The following HHIPL1 variants were observed in gnomAD, a reference collection of about 807,000 sequenced individuals.
HHIPL1 encodes the protein HHIP like 1.
Under a neutral mutation model 61.8 loss-of-function variants are expected in HHIPL1, and 43 were observed. The observed-to-expected ratio is 0.70, with a 90% CI of 0.55 to 0.90. The LOEUF (loss-of-function observed/expected upper bound fraction) is 0.90, where lower values mean the gene tolerates loss of function less well. HHIPL1 is among the 40% of genes least tolerant of loss of function. HHIPL1 has a pLI of 0.00. For synonymous variants in HHIPL1, 482 were observed against 515.8 expected, an observed-to-expected ratio of 0.93 and a Z score of 0.89; for missense variants, 1,056 against 1,157.7, an observed-to-expected ratio of 0.91 and a Z score of 1.28.
chr14:99,622,185 G>C, the HHIPL1 span, among the ~76,000 whole-genome samples: 1 of 152,176 alleles, frequency 6.6e-6, no homozygotes, highest in Non-Finnish European at 1.5e-5. Flanking sequence ...TGAGGTTTCT[G>C]GAAATGTGAT....
chr14:99,668,877 C>A lies in HHIPL1; in HGVS notation c.1730+574C>A. On this transcript the variant is annotated intron_variant, in intron 7 of 8. Coordinates refer to ENST00000330710, the MANE Select transcript of HHIPL1 (RefSeq NM_001127258.3). This position sits in a 1 kb window ranked among gnomAD's most constrained non-coding sequence, Gnocchi z 4.7. ...TGCCCGGCTATGTCCCAGCTCCTTCCGTGTGCAGCTCATTGACGTCTCAGC... is the reference window on the plus strand; with the variant it reads ...TGCCCGGCTATGTCCCAGCTCCTTCAGTGTGCAGCTCATTGACGTCTCAGC... The A allele has an allele frequency of 1.9e-6, 3 of 1,613,776 alleles. No individual in the cohort carries two copies. The highest frequency in any genetic ancestry group is 2.5e-6 in the Non-Finnish European group (3 of 1,179,680).
chr14:99,605,488 G>A, the HHIPL1 span, among the ~76,000 whole-genome samples: 2 of 152,176 alleles, frequency 1.3e-5, no homozygotes, highest in African/African-American at 4.8e-5. Flanking sequence ...AGCAGCTGAT[G>A]CCCCATTTAC....
chr14:99,609,271 A>T, the HHIPL1 span, among the ~76,000 whole-genome samples: 1 of 152,136 alleles, frequency 6.6e-6, no homozygotes, highest in Non-Finnish European at 1.5e-5. Context: ...CAGTATTCTC[A>T]TCCAAGCCCT....
intron 1 of HHIPL1, among the ~76,000 whole-genome samples, chr14:99,650,987 G>A (rs1404927292): frequency 2.0e-5 from 3 of 152,320 alleles, no homozygotes; most frequent in Non-Finnish European, 2.9e-5. Flanking sequence ...AGTTGCTCAC[G>A]CCTGTAATCT....
At chr14:99,655,714 T>A (rs2056017388) in intron 2 of HHIPL1, among the ~76,000 whole-genome samples, 1 of 152,124 alleles carries the variant, frequency 6.6e-6, no homozygotes, top group Non-Finnish European at 1.5e-5. Context: ...CAGAGGAAAC[T>A]GAACACAGGG....
chr14:99,620,949 CT>C, the HHIPL1 span, among the ~76,000 whole-genome samples: 1 of 152,248 alleles, frequency 6.6e-6, no homozygotes. Context: ...CGGGTCTGCC[CT>C]GTCCCAGGCT....
the HHIPL1 span, among the ~76,000 whole-genome samples, chr14:99,638,700 C>T: frequency 7.3e-4 from 111 of 152,328 alleles, no homozygotes; most frequent in South Asian, 2.1e-3. Context: ...CAGGGCCAGG[C>T]GGCTCCCTTG....
At chr14:99,625,541 T>G in the HHIPL1 span, 1 of 152,114 alleles carries the variant, frequency 6.6e-6, no homozygotes, top group East Asian at 1.9e-4. Context: ...CAGGGTCCTG[T>G]CCCAAACAGC....
At chr14:99,663,057 C>T (rs751591626) in intron 6 of HHIPL1, 36 bp downstream of exon 6, 9 of 1,559,956 alleles carry the variant, frequency 5.8e-6, no homozygotes, top group African/African-American at 1.4e-5. Context: ...GCTGGTTGCT[C>T]GTGCCTGGGA....
upstream of HHIPL1, among the ~76,000 whole-genome samples, chr14:99,641,572 C>G (rs1467319462): frequency 6.6e-6 from 1 of 152,006 alleles, no homozygotes; most frequent in African/African-American, 2.4e-5. Flanking sequence ...CGCCACCATG[C>G]CTGGCTAATT....
chr14:99,649,224 G>A (rs2055888721), intron 1 of HHIPL1, among the ~76,000 whole-genome samples: 1 of 152,208 alleles, frequency 6.6e-6, no homozygotes, highest in Admixed American at 6.5e-5. Context: ...CTGGCTCCCT[G>A]AGGGAACTTT....
the HHIPL1 span, among the ~76,000 whole-genome samples, chr14:99,632,216 G>C: frequency 6.6e-6 from 1 of 152,208 alleles, no homozygotes; most frequent in African/African-American, 2.4e-5. Flanking sequence ...GTGTGTTTGA[G>C]AATCCCGAAC....
chr14:99,661,363 C>T (rs991378585), intron 5 of HHIPL1, among the ~76,000 whole-genome samples: 2 of 146,426 alleles, frequency 1.4e-5, no homozygotes, highest in African/African-American at 5.1e-5. Context: ...ATAAATATCA[C>T]TTAGAATCTA....
the HHIPL1 span, chr14:99,604,748 A>G: frequency 6.6e-6 from 1 of 152,100 alleles, no homozygotes. Context: ...AGATAAACAA[A>G]TACCCACGAT....
the HHIPL1 span, among the ~76,000 whole-genome samples, chr14:99,629,293 CAAG>C: frequency 3.3e-5 from 5 of 152,134 alleles, no homozygotes; most frequent in African/African-American, 9.7e-5. Context: ...GTGAAATAAA[CAAG>C]AGGCAGAACA....
At chr14:99,629,300 C>T in the HHIPL1 span, among the ~76,000 whole-genome samples, 1 of 152,106 alleles carries the variant, frequency 6.6e-6, no homozygotes, top group Non-Finnish European at 1.5e-5. Flanking sequence ...AAACAAGAGG[C>T]AGAACATACA....
At chr14:99,673,705 T>TGTTGCACTGAGGGGGGG (rs1186101841) in intron 8 of HHIPL1, among the ~76,000 whole-genome samples, 1 of 6,822 alleles carries the variant, frequency 1.5e-4, no homozygotes, top group Non-Finnish European at 2.6e-4. Context: ...CTGAGGGGGG[T>TGTTGCACTGAGGGGGGG]GCACCTGGAG....
At chr14:99,659,844 GCACCCCCCC>G in intron 4 of HHIPL1, 88 bp downstream of exon 4, 2 of 307,980 alleles carry the variant, frequency 6.5e-6, no homozygotes, top group Non-Finnish European at 4.7e-6. Flanking sequence ...CTCGGAGACC[GCACCCCCCC>G]CCCCCCGGAG....
At chr14:99,661,202 C>T (rs779104136) in intron 5 of HHIPL1, among the ~76,000 whole-genome samples, 75 of 152,266 alleles carry the variant, frequency 4.9e-4, no homozygotes, top group Admixed American at 1.0e-3. Context: ...CAGGCTGAGA[C>T]GGCTTGGTCT....
Sources: gnomAD v4.1 joint callset for allele counts (sites outside exome capture counted in the v4.1 genomes callset) on GRCh38, gnomAD v4.1.1 for gene constraint, Gnocchi (gnomAD v3.1) non-coding constraint, MANE v1.5 for transcripts, NCBI Gene and HGNC (gene_info 2026-07-23, HGNC 2026-07-21) for gene names.